PCDHA13: variants seen among roughly 807,000 people sequenced by gnomAD.
The protein encoded by PCDHA13 is protocadherin alpha 13.
A neutral mutation model predicts 64.8 loss-of-function variants in PCDHA13; 54 were observed. The ratio of observed to expected loss-of-function variants is 0.83; its 90% CI spans 0.67 to 1.04. The LOEUF (loss-of-function observed/expected upper bound fraction) is 1.04, where lower values mean the gene tolerates loss of function less well. Ranked by LOEUF, PCDHA13 falls within the 50% of genes least tolerant of loss-of-function variation. The pLI is 0.00. For synonymous variants in PCDHA13, 587 were observed against 564.4 expected, an observed-to-expected ratio of 1.04 and a Z score of -0.57; for missense variants, 1,248 against 1,254.3, an observed-to-expected ratio of 0.99 and a Z score of 0.08.
intron 3 of PCDHA13, among the ~76,000 whole-genome samples, chr5:141,008,000 TA>T (rs2098355741): frequency 6.6e-6 from 1 of 152,264 alleles, no homozygotes; most frequent in Non-Finnish European, 1.5e-5. Context: ...TACATGTTAA[TA>T]AACTTCTGTT....
At chr5:140,999,327 G>A (rs1554256745) in intron 3 of PCDHA13, among the ~76,000 whole-genome samples, 1 of 152,200 alleles carries the variant, frequency 6.6e-6, no homozygotes, top group Non-Finnish European at 1.5e-5. Context: ...ATTGATCTGT[G>A]TGATTTATAA....
intron 1 of PCDHA13, among the ~76,000 whole-genome samples, chr5:140,918,864 A>T (rs1225688566): frequency 6.6e-6 from 1 of 152,180 alleles, no homozygotes; most frequent in Non-Finnish European, 1.5e-5. Flanking sequence ...TGAATCATGA[A>T]CTTTCAAGCC....
At chr5:140,943,516 A>T (rs1202948180) in intron 1 of PCDHA13, among the ~76,000 whole-genome samples, 1 of 152,176 alleles carries the variant, frequency 6.6e-6, no homozygotes, top group Admixed American at 6.5e-5. Context: ...GGAAATGTTG[A>T]GTTCAGTATG....
At chr5:140,928,099 C>T in intron 1 of PCDHA13, 5 of 1,614,204 alleles carry the variant, frequency 3.1e-6, no homozygotes, top group Non-Finnish European at 4.2e-6. Context: ...TGATGGGCCC[C>T]TGGACCGGGA....
intron 1 of PCDHA13, among the ~76,000 whole-genome samples, chr5:140,941,202 C>CCTTTCTTCCTTCCTTTCTTT (rs1394736170): frequency 8.1e-5 from 10 of 122,740 alleles, no homozygotes; most frequent in African/African-American, 2.1e-4. Context: ...TTTCTTTCTT[C>CCTTTCTTCCTTCCTTTCTTT]CTTTCTTTCT....
intron 1 of PCDHA13, among the ~76,000 whole-genome samples, chr5:140,943,825 T>C (rs1421631991): frequency 6.6e-6 from 1 of 152,128 alleles, no homozygotes; most frequent in East Asian, 1.9e-4. Context: ...GAAAATGAGT[T>C]GATTGAAGTT....
At chr5:140,972,170 C>G (rs1001419960) in intron 1 of PCDHA13, among the ~76,000 whole-genome samples, 2 of 152,034 alleles carry the variant, frequency 1.3e-5, no homozygotes, top group African/African-American at 4.8e-5. Flanking sequence ...GAGACAGAGT[C>G]TTGGCCTGTC....
At chr5:140,971,419 G>A (rs1554233321) in intron 1 of PCDHA13, among the ~76,000 whole-genome samples, 1 of 152,140 alleles carries the variant, frequency 6.6e-6, no homozygotes. Context: ...TGGAAATCCA[G>A]TGAAGAACCC....
chr5:140,928,892 T>C, intron 1 of PCDHA13: 1 of 1,614,198 alleles, frequency 6.2e-7, no homozygotes, highest in Non-Finnish European at 8.5e-7. Flanking sequence ...CTTCCAGACT[T>C]TGAAGATGTC....
intron 1 of PCDHA13, among the ~76,000 whole-genome samples, chr5:140,887,546 T>C (rs1554183101): frequency 1.3e-5 from 2 of 152,114 alleles, no homozygotes; most frequent in Non-Finnish European, 2.9e-5. Flanking sequence ...CCACCCCTCA[T>C]GGTTACTGTT....
At chr5:140,904,642 C>G (rs1257685945) in intron 1 of PCDHA13, among the ~76,000 whole-genome samples, 2 of 152,132 alleles carry the variant, frequency 1.3e-5, no homozygotes, top group Non-Finnish European at 2.9e-5. Context: ...AATCTCCACA[C>G]TGTTTTCCAT....
chr5:140,950,070 A>G (rs2094446713), intron 1 of PCDHA13, among the ~76,000 whole-genome samples: 1 of 151,890 alleles, frequency 6.6e-6, no homozygotes, highest in Non-Finnish European at 1.5e-5. Flanking sequence ...TTCCTGTGCC[A>G]TTGCTTATGC....
chr5:140,900,257 T>G (rs1184928608), intron 1 of PCDHA13, among the ~76,000 whole-genome samples: 3 of 152,108 alleles, frequency 2.0e-5, no homozygotes, highest in Admixed American at 6.6e-5. Context: ...TGAATAGTAC[T>G]CCATTGTGTA....
chr5:140,991,635 T>C (rs1215420696), intron 3 of PCDHA13, among the ~76,000 whole-genome samples: 1 of 152,220 alleles, frequency 6.6e-6, no homozygotes, highest in East Asian at 1.9e-4. Flanking sequence ...GTAATAACAA[T>C]CTGTTCATGA....
intron 1 of PCDHA13, among the ~76,000 whole-genome samples, chr5:140,963,905 G>A (rs1326633249): frequency 6.6e-6 from 1 of 152,182 alleles, no homozygotes; most frequent in African/African-American, 2.4e-5. Flanking sequence ...TGAGTAAAGT[G>A]AAGCTTAGGC....
chr5:140,934,684 A>C (rs1026507859), intron 1 of PCDHA13, among the ~76,000 whole-genome samples: 9 of 152,178 alleles, frequency 5.9e-5, no homozygotes, highest in Non-Finnish European at 1.3e-4. Flanking sequence ...TATTCAAAAC[A>C]ATGAATTGAT....
chr5:140,964,847 C>T (rs2095858231), intron 1 of PCDHA13, among the ~76,000 whole-genome samples: 1 of 152,124 alleles, frequency 6.6e-6, no homozygotes, highest in African/African-American at 2.4e-5. Flanking sequence ...ACTCTGTACC[C>T]TTGAGGAAAC....
At chr5:140,973,342 A>ATAGTAATT (rs1437052159) in intron 1 of PCDHA13, among the ~76,000 whole-genome samples, 4 of 152,344 alleles carry the variant, frequency 2.6e-5, no homozygotes, top group Admixed American at 2.6e-4. Context: ...GTAAAGTGAC[A>ATAGTAATT]TAGTAGTGAA....
In PCDHA13 at chr5:141,010,151, C is replaced by T. The variant is rs1554262715; in HGVS notation, c.*214C>T. 1 of 1,578,076 alleles carries T rather than the reference C, an allele frequency of 6.3e-7. No homozygotes were observed. Among genetic ancestry groups the T allele is most frequent in the South Asian group, 1.1e-5 (1 of 87,432 alleles). On this transcript the variant is annotated 3_prime_UTR_variant, in exon 4 of 4. Transcript: ENST00000289272. The stretch of plus-strand genomic sequence containing the variant: ...CTGGTGTTAACTCTTTCTCTCCACT[C>T]TGGCTTGTTTTCAGAACCTAAAAAG...
Sources: allele counts gnomAD v4.1 joint callset (sites outside exome capture counted in the v4.1 genomes callset), GRCh38; gene constraint gnomAD v4.1.1; transcripts MANE v1.5; gene names NCBI Gene and HGNC (gene_info 2026-07-23, HGNC 2026-07-21).